TBC1D9B: variants seen among roughly 807,000 people sequenced by gnomAD.
The protein encoded by TBC1D9B is TBC1 domain family, member 9B (with GRAM domain).
In TBC1D9B, 87 loss-of-function variants were observed where a neutral mutation model predicts 121.1. The observed-to-expected ratio is 0.72, with a 90% CI of 0.60 to 0.86. TBC1D9B has a LOEUF of 0.86. TBC1D9B is among the 40% of genes least tolerant of loss of function. The pLI, the probability that TBC1D9B is intolerant of heterozygous loss-of-function variation, is 0.00. For missense variants in TBC1D9B, 1,540 were observed against 1,628.6 expected (o/e 0.95, Z 0.94); for synonymous variants, 668 against 670.1 (o/e 1.00, Z 0.05).
At chr5:179,905,923 A>G (rs1413260364) in intron 1 of TBC1D9B, among the ~76,000 whole-genome samples, 1 of 152,226 alleles carries the variant, frequency 6.6e-6, no homozygotes, top group African/African-American at 2.4e-5. Context: ...TCTGTCGCCC[A>G]AGGTGGAGTG....
Position 179,875,286 on chromosome 5 carries a change from G to A in TBC1D9B, c.1901-99C>T. The A allele has an allele frequency of 7.0e-7, 1 of 1,437,354 alleles. No homozygotes were observed. Among genetic ancestry groups the A allele is most frequent in the Non-Finnish European group, 9.3e-7 (1 of 1,076,690 alleles). 89.0% of individuals were successfully genotyped at this position (1,437,354 alleles called of 1,614,324 possible). A position where few individuals can be genotyped will look rare whatever the true frequency, so the allele number is the denominator to read the frequency against. ...AGCCCTGGCCACTCCAGCCCTGCCA[G>A]CTGTGCAGTGAGGGCTGAGGGAGAC... On this transcript the variant is annotated intron_variant, in intron 11 of 20. Transcript: ENST00000355235. The surrounding 1 kb of genome is among the most constrained non-coding windows in gnomAD (Gnocchi z 4.5).
At position 179,890,348 on chromosome 5, in the gene TBC1D9B, A is replaced by G. The variant is rs1760826915; in HGVS notation, c.1044+1031T>C. 6.6e-6 allele frequency among the ~76,000 whole-genome samples: 1 copy of G among 152,156 alleles called. No homozygotes were observed. The highest frequency in any genetic ancestry group is 2.4e-5 in the African/African-American group (1 of 41,446). ...AGGGCTCTCTACCATCTGAGATGTC[A>G]AGGGCCCGGCAGGAGAAATCCAAAC... On this transcript the variant is annotated intron_variant, in intron 6 of 20. Coordinates refer to ENST00000355235, the MANE Select transcript of TBC1D9B (RefSeq NM_015043.4). This position sits in a 1 kb window ranked among gnomAD's most constrained non-coding sequence, Gnocchi z 5.0.
At position 179,891,511 on chromosome 5, in the gene TBC1D9B, G is replaced by C; in HGVS notation, c.912C>G (p.Gly304=). 1 of 1,614,066 alleles carries C rather than the reference G, an allele frequency of 6.2e-7. No individual in the cohort carries two copies. ...FRLPRDERLD[G]HTSCTLWTPF... ...GCGTCCACAGGGTGCAGCTTGTGTG[G>C]CCGTCTAGCCGCTCATCCCTGGGCA... is the stretch of plus-strand genomic sequence containing the variant. The change falls in exon 6 of 21, where the codon GGC becomes GGG. Residue 304 remains glycine (G), a synonymous_variant. Transcript: ENST00000355235. This position sits in a 1 kb window ranked among gnomAD's most constrained non-coding sequence, Gnocchi z 4.3.
rs1229274827 is a variant in TBC1D9B at position 179,904,816 on chromosome 5, G to A, written c.119-4C>T. 6 of 1,555,324 alleles carry A rather than the reference G, an allele frequency of 3.9e-6. No homozygotes were observed. The South Asian group carries it at 7.1e-5, about 18-fold the overall frequency. On this transcript the variant is annotated splice_region_variant and splice_polypyrimidine_tract_variant and intron_variant, in intron 1 of 20. Transcript: ENST00000355235. This position sits in a 1 kb window ranked among gnomAD's most constrained non-coding sequence, Gnocchi z 4.2. The stretch of plus-strand genomic sequence containing the variant: ...TCCAGGGTGCCCACGAGAAGACCTG[G>A]GAACAGGGCAGAGAGACATAGAGGG...
chr5:179,886,755 C>T (rs1760696789), intron 7 of TBC1D9B, among the ~76,000 whole-genome samples: 2 of 152,224 alleles, frequency 1.3e-5, no homozygotes, highest in South Asian at 4.1e-4. Context: ...TCTAGAGAAG[C>T]TGGATCTGTG....
At position 179,864,041 on chromosome 5, in the gene TBC1D9B, C is replaced by A; in HGVS notation, c.3109G>T (p.Val1037Leu). ...EQDLYHAIAT[V>L]ASLLLRIGEV... is the part of the protein sequence containing the mutation. ...CCGATGCGGAGCAGGAGGCTGGCCA[C>A]GGTGGCGATGGCGTGGTACAGGTCC... Residue 1037 changes from valine to leucine, a missense_variant, in exon 21 of 21, where the codon GTG becomes TTG. Physicochemically the swap from Val to Leu is conservative, Grantham distance 32 (BLOSUM62 1). Coordinates refer to ENST00000355235, the MANE Select transcript of TBC1D9B (RefSeq NM_015043.4). The A allele has an allele frequency of 6.2e-7, 1 of 1,613,730 alleles. No individual in the cohort carries two copies. The highest frequency in any genetic ancestry group is 8.5e-7 in the Non-Finnish European group (1 of 1,180,030).
intron 6 of TBC1D9B, among the ~76,000 whole-genome samples, chr5:179,888,886 G>A (rs895152632): frequency 1.3e-5 from 2 of 152,148 alleles, no homozygotes; most frequent in South Asian, 4.1e-4. Flanking sequence ...ACTGAGCTGA[G>A]ACCTGGTCCA....
At position 179,874,569 on chromosome 5, in the gene TBC1D9B, G is replaced by A. The variant is rs1157678930; in HGVS notation, c.2186+333C>T. On this transcript the variant is annotated intron_variant, in intron 12 of 20. Coordinates refer to ENST00000355235, the MANE Select transcript of TBC1D9B (RefSeq NM_015043.4). The surrounding 1 kb of genome is among the most constrained non-coding windows in gnomAD (Gnocchi z 4.3). ...CGGGACCACCTGGTGGACATGAAAT[G>A]CCCAGCTGTGCCACCAACTGGAATT... Among the ~76,000 whole-genome samples, 2 of 152,178 alleles carry A rather than the reference G, an allele frequency of 1.3e-5. No homozygotes were observed. Among genetic ancestry groups the A allele is most frequent in the Non-Finnish European group, 2.9e-5 (2 of 68,018 alleles).
rs1250263487 is a variant in TBC1D9B, at chr5:179,899,170, A to T, written c.348+19T>A. ...TGGCCAGGGAAGGGTGAGAACAGAG[A>T]GTGGCGGGTAAACCTTACGTGTATC... On this transcript the variant is annotated intron_variant, in intron 3 of 20. Transcript: ENST00000355235. 5.2e-6 allele frequency: 8 copies of T among 1,551,292 alleles called. No homozygotes were observed. The highest frequency in any genetic ancestry group is 7.0e-6 in the Non-Finnish European group (8 of 1,140,350).
At position 179,874,368 on chromosome 5, in the gene TBC1D9B, T is replaced by C. The variant is rs1197896303; in HGVS notation, c.2186+534A>G. On this transcript the variant is annotated intron_variant, in intron 12 of 20. Coordinates refer to ENST00000355235, the MANE Select transcript of TBC1D9B (RefSeq NM_015043.4). The surrounding 1 kb of genome is among the most constrained non-coding windows in gnomAD (Gnocchi z 4.3). ...GGAAGGGGCTGGATCCCAGACAGAA[T>C]CTGCAAGAGATGGGATGTGGGGACT... Among the ~76,000 whole-genome samples, 1 of 151,330 alleles carries C rather than the reference T, an allele frequency of 6.6e-6. No individual in the cohort carries two copies. The highest frequency in any genetic ancestry group is 1.5e-5 in the Non-Finnish European group (1 of 67,848).
chr5:179,875,012 G>C lies in TBC1D9B; in HGVS notation c.2076C>G (p.Phe692Leu). The C allele has an allele frequency of 1.2e-6, 2 of 1,614,068 alleles. No individual in the cohort carries two copies. Among genetic ancestry groups the C allele is most frequent in the African/African-American group, 1.3e-5 (1 of 75,066 alleles). ...ESAVVIVDCF[F>L]YEGIKVILQV... ...GCAGGATCACCTTGATGCCCTCATA[G>C]AAAAAGCAGTCGACGATGACCACGG... Residue 692 changes from phenylalanine (F) to leucine (L), a missense_variant, in exon 12 of 21, where the codon TTC (phenylalanine) becomes TTG (leucine). Transcript: ENST00000355235. This position sits in a 1 kb window ranked among gnomAD's most constrained non-coding sequence, Gnocchi z 4.5.
intron 7 of TBC1D9B, chr5:179,880,103 G>C: frequency 2.3e-6 from 1 of 433,034 alleles, no homozygotes; most frequent in South Asian, 2.9e-5. Context: ...AAGGACAGGA[G>C]AGGCCCTATC....
At chr5:179,895,216 A>T (rs1760984793) in intron 3 of TBC1D9B, among the ~76,000 whole-genome samples, 1 of 152,238 alleles carries the variant, frequency 6.6e-6, no homozygotes, top group Non-Finnish European at 1.5e-5. Context: ...TTGAAACATT[A>T]TCCATAAACA....
rs1759928013 is a variant in TBC1D9B, at chr5:179,863,941, G to A, written c.3209C>T (p.Pro1070Leu). The part of the protein sequence containing the change: ...RDCATEEDEP[P>L]APELHQDAAR... ...TGCGTCCTGATGCAGTTCGGGTGCT[G>A]GTGGCTCGTCCTCCTCAGTGGCACA... is the stretch of plus-strand genomic sequence containing the variant. The change falls in exon 21 of 21, where the codon CCA becomes CTA. Residue 1070 changes from proline to leucine, a missense_variant. Physicochemically the swap from Pro to Leu is moderately conservative, Grantham distance 98 (BLOSUM62 -3). Coordinates refer to ENST00000355235, the MANE Select transcript of TBC1D9B (RefSeq NM_015043.4). The surrounding 1 kb of genome is among the most constrained non-coding windows in gnomAD (Gnocchi z 4.5). 1 of 1,613,764 alleles carries A rather than the reference G, an allele frequency of 6.2e-7. No individual in the cohort carries two copies. Among genetic ancestry groups the A allele is most frequent in the African/African-American group, 1.3e-5 (1 of 74,924 alleles).
In TBC1D9B at chr5:179,890,897, C is replaced by T. The variant is rs1347500194; in HGVS notation, c.1044+482G>A. Among the ~76,000 whole-genome samples the T allele has an allele frequency of 2.0e-5, 3 of 152,128 alleles. No individual in the cohort carries two copies. The highest frequency in any genetic ancestry group is 1.9e-4 in the East Asian group (1 of 5,186). On this transcript the variant is annotated intron_variant, in intron 6 of 20. Transcript: ENST00000355235. The surrounding 1 kb of genome is among the most constrained non-coding windows in gnomAD (Gnocchi z 5.0). ...ATGCAGCCTCACAGGGGAGAGCCGA[C>T]GCCGCCCCACAGGGGAGAGCCGACC... is the stretch of plus-strand genomic sequence containing the variant.
Position 179,875,338 on chromosome 5 carries a change from G to GA in TBC1D9B, c.1901-152dup. On this transcript the variant is annotated intron_variant, in intron 11 of 20. Transcript: ENST00000355235. This position sits in a 1 kb window ranked among gnomAD's most constrained non-coding sequence, Gnocchi z 4.5. Reference sequence around the variant, plus strand: ...TGGAGTGCTGGGAGAAAACAAGGACGAAAAAACCCTTCAAGTCTCTCTACA... The same window carrying GA: ...TGGAGTGCTGGGAGAAAACAAGGACGAAAAAAACCCTTCAAGTCTCTCTACA... 1 of 967,004 alleles carries GA rather than the reference G, an allele frequency of 1.0e-6. No individual in the cohort carries two copies. The highest frequency in any genetic ancestry group is 1.6e-5 in the African/African-American group (1 of 60,730). The allele number at this position is 967,004 out of a possible 1,614,324, so 59.9% of individuals were successfully genotyped here. A position where few individuals can be genotyped will look rare whatever the true frequency, so the allele number is the denominator to read the frequency against.
chr5:179,873,010 G>C lies in TBC1D9B; in HGVS notation c.2317-20C>G, dbSNP rs369512229. On this transcript the variant is annotated intron_variant, in intron 13 of 20. Coordinates refer to ENST00000355235, the MANE Select transcript of TBC1D9B (RefSeq NM_015043.4). ...GAATTTCTATAGGGAGAGGTGACTT[G>C]GTGAGATCAAGCCAACTGCAGGGCA... 1 of 1,613,904 alleles carries C rather than the reference G, an allele frequency of 6.2e-7. No homozygotes were observed. The highest frequency in any genetic ancestry group is 8.5e-7 in the Non-Finnish European group (1 of 1,179,984).
intron 10 of TBC1D9B, among the ~76,000 whole-genome samples, chr5:179,877,983 C>T (rs1760407784): frequency 6.6e-6 from 1 of 152,098 alleles, no homozygotes; most frequent in Non-Finnish European, 1.5e-5. Context: ...GGGCGTGCAA[C>T]AGTGTGAATG....
chr5:179,865,485 G>C lies in TBC1D9B; in HGVS notation c.2915-125C>G. 1 of 901,718 alleles carries C rather than the reference G, an allele frequency of 1.1e-6. No individual in the cohort carries two copies. 55.9% of individuals were successfully genotyped at this position (901,718 alleles called of 1,614,324 possible). ...CCAGGGCCCTATCATAAAACACCCT[G>C]GCGTTTGGGAAGGTGGTCATGGGAA... is the stretch of plus-strand genomic sequence containing the variant. On this transcript the variant is annotated intron_variant, in intron 19 of 20. Coordinates refer to ENST00000355235, the MANE Select transcript of TBC1D9B (RefSeq NM_015043.4). The surrounding 1 kb of genome is among the most constrained non-coding windows in gnomAD (Gnocchi z 5.1).
Sources: gnomAD v4.1 joint callset for allele counts (sites outside exome capture counted in the v4.1 genomes callset) on GRCh38, gnomAD v4.1.1 for gene constraint, Gnocchi (gnomAD v3.1) non-coding constraint, MANE v1.5 for transcripts, NCBI Gene and HGNC (gene_info 2026-07-23, HGNC 2026-07-21) for gene names.